Variants in AOAH observed in about 807,000 individuals in gnomAD.
AOAH encodes the protein acyloxyacyl hydrolase (neutrophil).
A neutral mutation model predicts 92.2 loss-of-function variants in AOAH; 64 were observed. The observed-to-expected ratio is 0.69, with a 90% confidence interval of 0.57 to 0.86. AOAH has a LOEUF of 0.86. Ranked by LOEUF, AOAH falls within the 40% of genes least tolerant of loss-of-function variation. The pLI, the probability that AOAH is intolerant of heterozygous loss-of-function variation, is 0.00. For missense variants in AOAH, 656 were observed against 694.6 expected (o/e 0.94, Z 0.62); for synonymous variants, 263 against 254.5 (o/e 1.03, Z -0.32).
chr7:36,631,360 A>G (rs1443822217), intron 6 of AOAH, among the ~76,000 whole-genome samples: 3 of 151,916 alleles, frequency 2.0e-5, no homozygotes, highest in Non-Finnish European at 4.4e-5. Flanking sequence ...CAAAAAAAAA[A>G]AAAAAGAAGT....
rs1796090266 is a variant in AOAH at position 36,673,986 on chromosome 7, A to G, written c.247T>C (p.Cys83Arg). The part of the protein sequence containing the change: ...LPEKLFLKTT[C>R]YLVIDKFGSD... The stretch of plus-strand genomic sequence containing the variant: ...CCAAACTTGTCAATGACTAAATAGC[A>G]GGTGGTTTTCAAGAACAGTTTTTCT... The change falls in exon 3 of 21, where the codon TGC (cysteine) becomes CGC (arginine). Residue 83 changes from cysteine to arginine, a missense_variant. Cys to Arg is a radical substitution (Grantham distance 180). Transcript: ENST00000617537. 1.2e-6 allele frequency: 2 copies of G among 1,610,146 alleles called. No homozygotes were observed. Among genetic ancestry groups the G allele is most frequent in the Non-Finnish European group, 1.7e-6 (2 of 1,176,898 alleles).
chr7:36,517,563 T>C (rs1418371848), intron 20 of AOAH, among the ~76,000 whole-genome samples: 1 of 150,542 alleles, frequency 6.6e-6, no homozygotes, highest in Non-Finnish European at 1.5e-5. Context: ...CAGCCTCTGT[T>C]AACATGGGGT....
rs375265933 is a variant in AOAH at position 36,713,883 on chromosome 7, T to C, written c.127+10139A>G. ...CCCACAAGAGAAAGCAGGAAAGATC[T>C]AAAATTGACACCCTAACATCACAAT... On this transcript the variant is annotated intron_variant, in intron 1 of 20. Transcript: ENST00000617537. Among the ~76,000 whole-genome samples the C allele has an allele frequency of 2.2e-3, 333 of 152,198 alleles. 1 individual carries two copies. The highest frequency in any genetic ancestry group is 0.012 in the South Asian group (58 of 4,828).
intron 11 of AOAH, among the ~76,000 whole-genome samples, chr7:36,609,562 C>T (rs541625328): frequency 9.2e-5 from 14 of 152,118 alleles, no homozygotes; most frequent in Non-Finnish European, 1.9e-4. Context: ...AGCCTTTGCA[C>T]GTACTCTTTC....
chr7:36,553,995 C>G (rs1054384663), intron 13 of AOAH, among the ~76,000 whole-genome samples: 1 of 152,020 alleles, frequency 6.6e-6, no homozygotes, highest in African/African-American at 2.4e-5. Flanking sequence ...TAATTAGATC[C>G]CATTTGTCAA....
intron 2 of AOAH, among the ~76,000 whole-genome samples, chr7:36,675,567 C>CA (rs1796199218): frequency 6.6e-6 from 1 of 152,132 alleles, no homozygotes; most frequent in African/African-American, 2.4e-5. Flanking sequence ...GGCAAATCTA[C>CA]AAAAAAGTTA....
chr7:36,722,157 A>C (rs1416617561), intron 1 of AOAH, among the ~76,000 whole-genome samples: 1 of 152,192 alleles, frequency 6.6e-6, no homozygotes, highest in Non-Finnish European at 1.5e-5. Flanking sequence ...AAGAATCACC[A>C]GCCAGTGTTC....
intron 13 of AOAH, among the ~76,000 whole-genome samples, chr7:36,555,539 G>C (rs1786639769): frequency 6.6e-6 from 1 of 152,044 alleles, no homozygotes. Context: ...TCTATTGATT[G>C]GAATAGTTTC....
At chr7:36,718,836 A>C (rs1206432139) in intron 1 of AOAH, among the ~76,000 whole-genome samples, 5 of 152,208 alleles carry the variant, frequency 3.3e-5, no homozygotes, top group Non-Finnish European at 7.3e-5. Flanking sequence ...TGGGGGGAGC[A>C]GTGAAATGTT....
intron 1 of AOAH, among the ~76,000 whole-genome samples, chr7:36,715,140 C>G (rs1455569070): frequency 6.6e-6 from 1 of 152,124 alleles, no homozygotes; most frequent in Non-Finnish European, 1.5e-5. Flanking sequence ...TCTCAGGATA[C>G]AAAATCAATG....
chr7:36,619,233 C>A (rs1377863973), intron 9 of AOAH, among the ~76,000 whole-genome samples: 1 of 152,184 alleles, frequency 6.6e-6, no homozygotes, highest in Non-Finnish European at 1.5e-5. Context: ...GATTGGACTT[C>A]ATGGTAAGAC....
At chr7:36,576,803 T>G (rs953656173) in intron 12 of AOAH, 147 bp from the exon 13 acceptor site, 1 of 494,290 alleles carries the variant, frequency 2.0e-6, no homozygotes. Context: ...TTCTCTGAAC[T>G]GTGAATGTAA....
chr7:36,544,486 G>C (rs1268620267), intron 15 of AOAH, among the ~76,000 whole-genome samples: 3 of 152,210 alleles, frequency 2.0e-5, no homozygotes, highest in African/African-American at 7.2e-5. Context: ...CAGGGTCCCA[G>C]CACCCCTTCT....
intron 1 of AOAH, 62 bp from the exon 2 acceptor site, chr7:36,686,856 GAGAA>G (rs1470882697): frequency 1.8e-6 from 2 of 1,117,156 alleles, no homozygotes; most frequent in Non-Finnish European, 2.5e-6. Flanking sequence ...GGAGGGACAG[GAGAA>G]AGAAAGGATG....
At chr7:36,559,075 G>A (rs982146063) in intron 13 of AOAH, among the ~76,000 whole-genome samples, 26 of 152,354 alleles carry the variant, frequency 1.7e-4, no homozygotes, top group African/African-American at 5.5e-4. Flanking sequence ...TGTCACTCAC[G>A]CTGGCAGCTG....
intron 1 of AOAH, among the ~76,000 whole-genome samples, chr7:36,689,211 T>C (rs10243135): frequency 0.018 from 2,783 of 152,200 alleles, 98 homozygotes; most frequent in African/African-American, 0.064. Flanking sequence ...ACAACCAGTG[T>C]CCTCTCTAGA....
At chr7:36,722,228 T>C (rs1441161230) in intron 1 of AOAH, among the ~76,000 whole-genome samples, 5 of 152,192 alleles carry the variant, frequency 3.3e-5, no homozygotes, top group Admixed American at 2.0e-4. Flanking sequence ...TAATTTTTGA[T>C]GCAGCAATAA....
intron 11 of AOAH, chr7:36,599,939 C>T (rs968157865): frequency 6.6e-6 from 1 of 152,634 alleles, no homozygotes; most frequent in Non-Finnish European, 1.5e-5. Context: ...GGGAGCACCA[C>T]ATTATGCAAC....
At chr7:36,689,668 CAGG>C (rs1480719098) in intron 1 of AOAH, among the ~76,000 whole-genome samples, 1 of 152,086 alleles carries the variant, frequency 6.6e-6, no homozygotes, top group Non-Finnish European at 1.5e-5. Context: ...CCATAACAGG[CAGG>C]AGAAGAGCTG....
Sources: allele counts gnomAD v4.1 joint callset (sites outside exome capture counted in the v4.1 genomes callset), GRCh38; gene constraint gnomAD v4.1.1; transcripts MANE v1.5; gene names NCBI Gene and HGNC (gene_info 2026-07-23, HGNC 2026-07-21).